The following RWDD2A variants were observed in gnomAD, a reference collection of about 807,000 sequenced individuals.
RWDD2A encodes the protein RWD domain-containing protein 2A.
A neutral mutation model predicts 23.1 loss-of-function variants in RWDD2A; 15 were observed. The ratio of observed to expected loss-of-function variants is 0.65; its 90% CI spans 0.43 to 1.00. The LOEUF is 1.00. Among genes scored for constraint, RWDD2A ranks in the 50% least tolerant of loss-of-function variants. The pLI, the probability that RWDD2A is intolerant of heterozygous loss-of-function variation, is 0.00. For synonymous variants in RWDD2A, 103 were observed against 123.0 expected, an observed-to-expected ratio of 0.84 and a Z score of 1.08; for missense variants, 310 against 341.7, an observed-to-expected ratio of 0.91 and a Z score of 0.73.
At position 83,195,787 on chromosome 6, in the gene RWDD2A, G is replaced by A. The variant is rs763234776; in HGVS notation, c.394G>A (p.Ala132Thr). The A allele has an allele frequency of 6.2e-7, 1 of 1,614,156 alleles. No individual in the cohort carries two copies. Among genetic ancestry groups the A allele is most frequent in the East Asian group, 2.2e-5 (1 of 44,884 alleles). Reference protein sequence around the residue: ...AAIQWLQDNSASYFLNRKLVY... With the variant: ...AAIQWLQDNSTSYFLNRKLVY... ...AATCCAGTGGCTACAGGACAACAGT[G>A]CATCTTATTTCCTGAACAGAAAGCT... Residue 132 changes from alanine to threonine, a missense_variant, in exon 3 of 3, where the codon GCA becomes ACA. Transcript: ENST00000369724.
chr6:83,194,293 G>A lies in RWDD2A; in HGVS notation c.-140-19G>A, dbSNP rs1299678578. Reference sequence around the variant, plus strand: ...TCAGGAAATAAAGAAGAGTGCAAGTGTCTGGTTTGTGCCCCTAGCTCTCGG... The same window carrying A: ...TCAGGAAATAAAGAAGAGTGCAAGTATCTGGTTTGTGCCCCTAGCTCTCGG... On this transcript the variant is annotated intron_variant, in intron 1 of 2. Coordinates refer to ENST00000369724, the MANE Select transcript of RWDD2A (RefSeq NM_033411.5). 2 of 618,544 alleles carry A rather than the reference G, an allele frequency of 3.2e-6. No homozygotes were observed. Among genetic ancestry groups the A allele is most frequent in the Non-Finnish European group, 5.7e-6 (2 of 353,680 alleles). 38.3% of individuals were successfully genotyped at this position (618,544 alleles called of 1,614,324 possible). A position where few individuals can be genotyped will look rare whatever the true frequency, so the allele number is the denominator to read the frequency against.
intron 2 of RWDD2A, 138 bp from the exon 3 acceptor site, chr6:83,195,457 A>G (rs112983253): frequency 1.2e-4 from 86 of 716,104 alleles, no homozygotes; most frequent in African/African-American, 1.2e-3. Flanking sequence ...ATAATGCATA[A>G]AAGGAAGCAA....
At chr6:83,193,854 G>C (rs1289922573) in intron 1 of RWDD2A, 1 of 153,524 alleles carries the variant, frequency 6.5e-6, no homozygotes, top group Non-Finnish European at 1.4e-5. Flanking sequence ...GCAGAGGCCA[G>C]TGAATCGTAA....
At chr6:83,195,447 A>G (rs1789538800) in intron 2 of RWDD2A, 148 bp from the exon 3 acceptor site, 2 of 676,780 alleles carry the variant, frequency 3.0e-6, no homozygotes, top group South Asian at 4.2e-5. Flanking sequence ...AAATATTGAA[A>G]TAATGCATAA....
At position 83,196,134 on chromosome 6, in the gene RWDD2A, T is replaced by A; in HGVS notation, c.741T>A (p.Leu247=). 1 of 1,614,060 alleles carries A rather than the reference T, an allele frequency of 6.2e-7. No homozygotes were observed. Among genetic ancestry groups the A allele is most frequent in the Non-Finnish European group, 8.5e-7 (1 of 1,179,974 alleles). Residue 247 remains leucine, a synonymous_variant, in exon 3 of 3, where the codon CTT becomes CTA. Coordinates refer to ENST00000369724, the MANE Select transcript of RWDD2A (RefSeq NM_033411.5). The stretch of plus-strand genomic sequence containing the variant: ...TCCATTCTTTTGAAGAGTTACTCCT[T>A]GAGGCTCATGGTGACTATGGATTAA... ...RLFHSFEELL[L]EAHGDYGLRN... is the part of the protein sequence containing the mutation.
At position 83,195,999 on chromosome 6, in the gene RWDD2A, G is replaced by A; in HGVS notation, c.606G>A (p.Glu202=). 6.2e-7 allele frequency: 1 copy of A among 1,614,210 alleles called. No homozygotes were observed. Among genetic ancestry groups the A allele is most frequent in the Non-Finnish European group, 8.5e-7 (1 of 1,180,038 alleles). Residue 202 remains glutamate, a synonymous_variant, in exon 3 of 3, where the codon GAG becomes GAA. Transcript: ENST00000369724. ...TAATCTGTGTGGAGGGTTTCAAAGA[G>A]CACTGTGAGGAGTTCTGGCACACAA... ...PGIICVEGFK[E]HCEEFWHTIR...
rs539762443 is a variant in RWDD2A at position 83,197,752 on chromosome 6, G to C, written c.*1480G>C. ...ACCATCTGGTTTTACCCTCTGTGCC[G>C]TGGATGCAGACGTGTCCTTGGGCTA... On this transcript the variant is annotated 3_prime_UTR_variant, in exon 3 of 3. Transcript: ENST00000369724. 1.3e-5 allele frequency: 2 copies of C among 152,390 alleles called. No individual in the cohort carries two copies. The highest frequency in any genetic ancestry group is 4.8e-5 in the African/African-American group (2 of 41,472). The allele number at this position is 152,390 out of a possible 1,614,324, so 9.4% of individuals were successfully genotyped here.
In RWDD2A at chr6:83,196,353, C is replaced by A; in HGVS notation, c.*81C>A. The A allele has an allele frequency of 8.3e-7, 1 of 1,201,400 alleles. No individual in the cohort carries two copies. The highest frequency in any genetic ancestry group is 1.1e-6 in the Non-Finnish European group (1 of 872,804). The allele number at this position is 1,201,400 out of a possible 1,614,324, so 74.4% of individuals were successfully genotyped here. A position where few individuals can be genotyped will look rare whatever the true frequency, so the allele number is the denominator to read the frequency against. On this transcript the variant is annotated 3_prime_UTR_variant, in exon 3 of 3. Coordinates refer to ENST00000369724, the MANE Select transcript of RWDD2A (RefSeq NM_033411.5). ...AAGACCAAATTAAAAAGGCTAGTGGCTGTGTAGCATCCTCAGTGCAAAACC... is the reference window on the plus strand; with the variant it reads ...AAGACCAAATTAAAAAGGCTAGTGGATGTGTAGCATCCTCAGTGCAAAACC...
Position 83,196,337 on chromosome 6 carries a change from T to C in RWDD2A, c.*65T>C. The C allele has an allele frequency of 7.4e-7, 1 of 1,357,838 alleles. No homozygotes were observed. Among genetic ancestry groups the C allele is most frequent in the South Asian group, 1.6e-5 (1 of 62,184 alleles). The allele number at this position is 1,357,838 out of a possible 1,614,324, so 84.1% of individuals were successfully genotyped here. ...CAGTATTTCTGTTAATAAGACCAAA[T>C]TAAAAAGGCTAGTGGCTGTGTAGCA... On this transcript the variant is annotated 3_prime_UTR_variant, in exon 3 of 3. Transcript: ENST00000369724.
In RWDD2A at chr6:83,195,839, A is replaced by C; in HGVS notation, c.446A>C (p.Lys149Thr). The change falls in exon 3 of 3, where the codon AAG becomes ACG. Residue 149 changes from lysine to threonine, a missense_variant. Lys to Thr is a moderately conservative substitution (Grantham distance 78). Transcript: ENST00000369724. ...KLVYEPSTQA[K>T]PVKNTFLRMW... ...GTATATGAACCATCTACACAAGCAA[A>C]GCCAGTCAAGAACACATTCCTCCGA... 1 of 1,614,248 alleles carries C rather than the reference A, an allele frequency of 6.2e-7. No individual in the cohort carries two copies. The highest frequency in any genetic ancestry group is 1.1e-5 in the South Asian group (1 of 91,092).
chr6:83,197,804 C>G lies in RWDD2A; in HGVS notation c.*1532C>G, dbSNP rs1789650586. The G allele has an allele frequency of 6.6e-6, 1 of 152,430 alleles. No individual in the cohort carries two copies. The highest frequency in any genetic ancestry group is 1.9e-4 in the East Asian group (1 of 5,186). The allele number at this position is 152,430 out of a possible 1,614,324, so 9.4% of individuals were successfully genotyped here. ...AGAGAGGACATGATGGAGCAGGAGG[C>G]CCTATCCCAAGGAGGTGTTAGAACT... On this transcript the variant is annotated 3_prime_UTR_variant, in exon 3 of 3. Transcript: ENST00000369724.
In RWDD2A at chr6:83,195,932, G is replaced by A. The variant is rs760607972; in HGVS notation, c.539G>A (p.Arg180Lys). The A allele has an allele frequency of 3.1e-6, 5 of 1,614,098 alleles. No homozygotes were observed. The highest frequency in any genetic ancestry group is 1.1e-5 in the South Asian group (1 of 91,090). Residue 180 changes from arginine to lysine, a missense_variant, in exon 3 of 3, where the codon AGG becomes AAG. Transcript: ENST00000369724. ...LRKKILDVGKRLDVTGFCMTG... is the reference protein window; with the variant it reads ...LRKKILDVGKKLDVTGFCMTG... ...AAAAAGATTTTGGATGTTGGGAAAA[G>A]GTTAGATGTGACTGGATTTTGCATG...
At chr6:83,194,930 C>T (rs1457206208) in intron 2 of RWDD2A, among the ~76,000 whole-genome samples, 1 of 152,212 alleles carries the variant, frequency 6.6e-6, no homozygotes, top group African/African-American at 2.4e-5. Context: ...CTACCTTTCA[C>T]ATGTATCATG....
At position 83,197,540 on chromosome 6, in the gene RWDD2A, G is replaced by C. The variant is rs1483909672; in HGVS notation, c.*1268G>C. The C allele has an allele frequency of 2.0e-5, 3 of 152,212 alleles. No homozygotes were observed. The highest frequency in any genetic ancestry group is 4.4e-5 in the Non-Finnish European group (3 of 68,054). The allele number at this position is 152,212 out of a possible 1,614,324, so 9.4% of individuals were successfully genotyped here. On this transcript the variant is annotated 3_prime_UTR_variant, in exon 3 of 3. Coordinates refer to ENST00000369724, the MANE Select transcript of RWDD2A (RefSeq NM_033411.5). ...AGTCTCATGTGCTAAGAGATGTCTT[G>C]AGCAGCCTCTGCAGCTTTCCGTGTT... is the stretch of plus-strand genomic sequence containing the variant.
chr6:83,193,880 G>A (rs1789405893), intron 1 of RWDD2A: 1 of 153,942 alleles, frequency 6.5e-6, no homozygotes. Flanking sequence ...CGGAGCCCTG[G>A]AATGCGGCCC....
intron 1 of RWDD2A, 62 bp from the exon 2 acceptor site, chr6:83,194,250 G>T: frequency 1.8e-6 from 1 of 570,026 alleles, no homozygotes; most frequent in Non-Finnish European, 3.1e-6. Flanking sequence ...AGGATGTTGT[G>T]CATACTAGAT....
In RWDD2A at chr6:83,195,697, C is replaced by A. The variant is rs759572231; in HGVS notation, c.304C>A (p.Leu102Ile). ...ACTTGACAGACATCAGCAGCTACTT[C>A]TCAACAAAGGTCTCACTTCTTACAT... ...SELDRHQQLL[L>I]NKGLTSYIGT... Residue 102 changes from leucine to isoleucine, a missense_variant, in exon 3 of 3, where the codon CTC (leucine) becomes ATC (isoleucine). Coordinates refer to ENST00000369724, the MANE Select transcript of RWDD2A (RefSeq NM_033411.5). 6.2e-7 allele frequency: 1 copy of A among 1,614,172 alleles called. No individual in the cohort carries two copies. Among genetic ancestry groups the A allele is most frequent in the South Asian group, 1.1e-5 (1 of 91,084 alleles).
At chr6:83,195,086 C>G (rs974894005) in intron 2 of RWDD2A, among the ~76,000 whole-genome samples, 1 of 152,182 alleles carries the variant, frequency 6.6e-6, no homozygotes, top group African/African-American at 2.4e-5. Flanking sequence ...ATCTTCTGAT[C>G]CATTTATCTC....
chr6:83,195,231 C>T (rs141654444), intron 2 of RWDD2A, among the ~76,000 whole-genome samples: 10 of 152,334 alleles, frequency 6.6e-5, no homozygotes, highest in African/African-American at 1.9e-4. Context: ...GATTCTGTCC[C>T]GCTGGTTACA....
Sources: allele counts gnomAD v4.1 joint callset (sites outside exome capture counted in the v4.1 genomes callset), GRCh38; gene constraint gnomAD v4.1.1; transcripts MANE v1.5; gene names NCBI Gene and HGNC (gene_info 2026-07-23, HGNC 2026-07-21).